PLXNA2: variants seen among roughly 807,000 people sequenced by gnomAD.
The protein encoded by PLXNA2 is plexin A2.
In PLXNA2, 91 loss-of-function variants were observed where a neutral mutation model predicts 193.5. The ratio of observed to expected loss-of-function variants is 0.47; its 90% CI spans 0.40 to 0.56. The LOEUF (loss-of-function observed/expected upper bound fraction) is 0.56. Among genes scored for constraint, PLXNA2 ranks in the 20% least tolerant of loss-of-function variants. The probability of loss-of-function intolerance (pLI) is 0.00; values close to 1 mark genes in which losing one functional copy is unlikely to be tolerated. For synonymous variants in PLXNA2, 997 were observed against 1,027.3 expected (o/e 0.97, Z 0.56); for missense variants, 1,995 against 2,503.2 (o/e 0.80, Z 4.33).
rs937541595 is a variant in PLXNA2, at chr1:208,142,199, C to G, written c.1506+130G>C. ...CCTGCAAAAGCCTACAGGCACTCTG[C>G]CTCTCTCAAGACCCCTGTGCTGCAA... On this transcript the variant is annotated intron_variant, in intron 4 of 31. Coordinates refer to ENST00000367033, the MANE Select transcript of PLXNA2 (RefSeq NM_025179.4). 5 of 996,606 alleles carry G rather than the reference C, an allele frequency of 5.0e-6. No homozygotes were observed. The Admixed American group carries it at 1.6e-4, about 31-fold the overall frequency. 61.7% of individuals were successfully genotyped at this position (996,606 alleles called of 1,614,324 possible). A position where few individuals can be genotyped will look rare whatever the true frequency, so the allele number is the denominator to read the frequency against.
chr1:208,058,114 C>T (rs888094719), intron 13 of PLXNA2, among the ~76,000 whole-genome samples: 7 of 152,170 alleles, frequency 4.6e-5, no homozygotes, highest in South Asian at 2.1e-4. Flanking sequence ...CTCCCTGGGG[C>T]GGAAGCACAC....
At chr1:208,188,811 C>T (rs1049702934) in intron 3 of PLXNA2, among the ~76,000 whole-genome samples, 7 of 151,998 alleles carry the variant, frequency 4.6e-5, no homozygotes, top group African/African-American at 1.7e-4. Flanking sequence ...ATACTGCATA[C>T]TGCAATGTGT....
At position 208,038,741 on chromosome 1, in the gene PLXNA2, C is replaced by T. The variant is rs920696838; in HGVS notation, c.4660+84G>A. 2 of 1,404,020 alleles carry T rather than the reference C, an allele frequency of 1.4e-6. No homozygotes were observed. The highest frequency in any genetic ancestry group is 2.0e-6 in the Non-Finnish European group (2 of 1,005,302). The allele number at this position is 1,404,020 out of a possible 1,614,324, so 87.0% of individuals were successfully genotyped here. On this transcript the variant is annotated intron_variant, in intron 25 of 31. Coordinates refer to ENST00000367033, the MANE Select transcript of PLXNA2 (RefSeq NM_025179.4). The surrounding 1 kb of genome is among the most constrained non-coding windows in gnomAD (Gnocchi z 4.1). ...CTCAGCTGGCCAGGACACAGTCATG[C>T]CCCTGCAAGGGTTGTGTGCATGGCA...
At chr1:208,092,555 T>C (rs552639194) in intron 9 of PLXNA2, among the ~76,000 whole-genome samples, 16 of 152,230 alleles carry the variant, frequency 1.1e-4, no homozygotes, top group Non-Finnish European at 2.1e-4. Flanking sequence ...AGCTTTTGAA[T>C]GCATAGAGTC....
intron 1 of PLXNA2, among the ~76,000 whole-genome samples, chr1:208,225,440 T>C (rs1314935128): frequency 6.6e-6 from 1 of 152,062 alleles, no homozygotes; most frequent in African/African-American, 2.4e-5. Flanking sequence ...ACCACAGGGA[T>C]CTGTGGGGCC....
At chr1:208,092,985 G>T in intron 8 of PLXNA2, 85 bp from the exon 9 acceptor site, 3 of 897,510 alleles carry the variant, frequency 3.3e-6, no homozygotes, top group Non-Finnish European at 3.6e-6. Context: ...CTGTTAACCT[G>T]TGTTTAAATC....
At position 208,028,972 on chromosome 1, in the gene PLXNA2, T is replaced by C. The variant is rs1195434042; in HGVS notation, c.5296A>G (p.Ile1766Val). Residue 1766 changes from isoleucine to valine, a missense_variant, in exon 30 of 32, where the codon ATC (isoleucine) becomes GTC (valine). By Grantham distance (29) the Ile-to-Val change is conservative. Around this residue, in one of 3 missense-constraint regions of PLXNA2, gnomAD observed 1,291 missense variants for 1,673.6 expected, o/e 0.77. Coordinates refer to ENST00000367033, the MANE Select transcript of PLXNA2 (RefSeq NM_025179.4). The surrounding 1 kb of genome is among the most constrained non-coding windows in gnomAD (Gnocchi z 4.2). ...QFVFDIHKGS[I>V]TDACLSVVAQ... ...ACCACAGAGAGGCAGGCGTCCGTGA[T>C]GCTGCCCTTGTGGATGTCAAACACG... The C allele has an allele frequency of 1.2e-6, 2 of 1,613,726 alleles. No homozygotes were observed. The highest frequency in any genetic ancestry group is 2.2e-5 in the South Asian group (2 of 91,036).
rs564991046 is a variant in PLXNA2 at position 208,083,358 on chromosome 1, C to T, written c.2299-850G>A. 7.9e-5 allele frequency among the ~76,000 whole-genome samples: 12 copies of T among 152,320 alleles called. No homozygotes were observed. The South Asian group carries it at 2.5e-3, about 32-fold the overall frequency. On this transcript the variant is annotated intron_variant, in intron 10 of 31. Transcript: ENST00000367033. ...CACCCCTGGGTGGCCAGTCCTGGCA[C>T]CCTGTGATGGAGACCTCGGGGCATC...
In PLXNA2 at chr1:208,066,461, C is replaced by T. The variant is rs756367828; in HGVS notation, c.2587-5624G>A. On this transcript the variant is annotated intron_variant, in intron 12 of 31. Coordinates refer to ENST00000367033, the MANE Select transcript of PLXNA2 (RefSeq NM_025179.4). ...GGTCAATGACGGACCATATATACGA[C>T]GATGGTTCTTTAAGATCATAATGGA... Among the ~76,000 whole-genome samples the T allele has an allele frequency of 1.6e-4, 25 of 152,140 alleles. 1 individual carries two copies. The highest frequency in any genetic ancestry group is 4.3e-4 in the African/African-American group (18 of 41,412).
chr1:208,147,794 G>C (rs1243640456), intron 3 of PLXNA2, among the ~76,000 whole-genome samples: 1 of 152,152 alleles, frequency 6.6e-6, no homozygotes, highest in African/African-American at 2.4e-5. Context: ...GAGCAGAGTA[G>C]ATGGGTCATC....
At chr1:208,158,814 C>T (rs899710080) in intron 3 of PLXNA2, among the ~76,000 whole-genome samples, 16 of 152,210 alleles carry the variant, frequency 1.1e-4, no homozygotes, top group Non-Finnish European at 1.5e-4. Flanking sequence ...GGCCTGATTC[C>T]CTACAGGTGG....
intron 12 of PLXNA2, among the ~76,000 whole-genome samples, chr1:208,061,928 C>T (rs1474536051): frequency 6.6e-6 from 1 of 152,156 alleles, no homozygotes; most frequent in Non-Finnish European, 1.5e-5. Context: ...TTCTAAGATA[C>T]TTACTTTTTA....
chr1:208,220,332 G>A (rs1262988141), intron 1 of PLXNA2, among the ~76,000 whole-genome samples: 2 of 149,080 alleles, frequency 1.3e-5, no homozygotes, highest in African/African-American at 4.8e-5. Flanking sequence ...ACTACAGTAT[G>A]TACCTTTCAA....
intron 6 of PLXNA2, 44 bp from the exon 7 acceptor site, chr1:208,096,927 A>T: frequency 1.3e-6 from 2 of 1,580,432 alleles, no homozygotes; most frequent in Non-Finnish European, 1.7e-6. Context: ...ATGCCTCAGG[A>T]GACCTGGACT....
chr1:208,174,283 T>A (rs1405209192), intron 3 of PLXNA2, among the ~76,000 whole-genome samples: 1 of 151,326 alleles, frequency 6.6e-6, no homozygotes, highest in Non-Finnish European at 1.5e-5. Flanking sequence ...TGGTTGTGTG[T>A]GGGGTTGGGG....
At chr1:208,076,844 G>C (rs1666164911) in intron 12 of PLXNA2, among the ~76,000 whole-genome samples, 2 of 152,190 alleles carry the variant, frequency 1.3e-5, no homozygotes, top group South Asian at 4.1e-4. Flanking sequence ...TTGTATCCAT[G>C]CTAATTTCCT....
In PLXNA2 at chr1:208,041,714, C is replaced by T. The variant is rs1051466768; in HGVS notation, c.4286+384G>A. ...GGGGCCGCTGTGCCGGACAGCACAGCTCTAGAGGCACCGGGAGGAAGAGAC... is the reference window on the plus strand; with the variant it reads ...GGGGCCGCTGTGCCGGACAGCACAGTTCTAGAGGCACCGGGAGGAAGAGAC... On this transcript the variant is annotated intron_variant, in intron 22 of 31. Coordinates refer to ENST00000367033, the MANE Select transcript of PLXNA2 (RefSeq NM_025179.4). Among the ~76,000 whole-genome samples, 9 of 152,220 alleles carry T rather than the reference C, an allele frequency of 5.9e-5. 1 individual carries two copies. Among genetic ancestry groups the T allele is most frequent in the Non-Finnish European group, 1.0e-4 (7 of 68,032 alleles).
chr1:208,034,570 G>A lies in PLXNA2; in HGVS notation c.4787C>T (p.Ala1596Val), dbSNP rs1182718997. The change falls in exon 27 of 32, where the codon GCT (alanine) becomes GTT (valine). Residue 1596 changes from alanine to valine, a missense_variant. Coordinates refer to ENST00000367033, the MANE Select transcript of PLXNA2 (RefSeq NM_025179.4). ...GGAGGAGGTCTGTTTGGGGACCAGA[G>A]CCACCACCGACCTGTCTGACACCTG... is the stretch of plus-strand genomic sequence containing the variant. ...HYQVSDRSVVALVPKQTSSYN... is the reference protein window; with the variant it reads ...HYQVSDRSVVVLVPKQTSSYN... The A allele has an allele frequency of 1.2e-6, 2 of 1,613,456 alleles. No individual in the cohort carries two copies. Among genetic ancestry groups the A allele is most frequent in the East Asian group, 4.5e-5 (2 of 44,876 alleles).
In PLXNA2 at chr1:208,084,519, ATTGG is replaced by A; in HGVS notation, c.2155_2158del (p.Pro719SerfsTer78). On this transcript the variant is annotated frameshift_variant, in exon 10 of 32. Transcript: ENST00000367033. LOFTEE classifies it high-confidence loss of function. ...GGGCAGATTTCGCGCCTTAAGGGTG[ATTGG>A]CTTTACCTCCCCGACTGGAATCAAG... The A allele has an allele frequency of 6.2e-7, 1 of 1,614,186 alleles. No homozygotes were observed. The highest frequency in any genetic ancestry group is 8.5e-7 in the Non-Finnish European group (1 of 1,180,032).
Sources: gnomAD v4.1 joint callset for allele counts (sites outside exome capture counted in the v4.1 genomes callset) on GRCh38, gnomAD v4.1.1 for gene constraint, gnomAD v4.1.1 regional missense constraint, Gnocchi (gnomAD v3.1) non-coding constraint, MANE v1.5 for transcripts, NCBI Gene and HGNC (gene_info 2026-07-23, HGNC 2026-07-21) for gene names.